The following UBR4 variants were observed in gnomAD, a reference collection of about 807,000 sequenced individuals.
UBR4 encodes ubiquitin protein ligase E3 component n-recognin 4.
UBR4 carries 124 observed loss-of-function variants against 575.6 expected under a neutral mutation model. The observed-to-expected ratio is 0.22, with a 90% CI of 0.19 to 0.25. The LOEUF (loss-of-function observed/expected upper bound fraction) is 0.25, where lower values mean the gene tolerates loss of function less well. Ranked by LOEUF, UBR4 falls within the 10% of genes least tolerant of loss-of-function variation. UBR4 has a pLI of 1.00. For missense variants in UBR4, 4,818 were observed against 6,478.8 expected (o/e 0.74, Z 8.80); for synonymous variants, 2,455 against 2,473.7 (o/e 0.99, Z 0.22).
At position 19,187,190 on chromosome 1, in the gene UBR4, T is replaced by A. The variant is rs2091631619; in HGVS notation, c.1606A>T (p.Thr536Ser). ...DSVPLMNLLL[T>S]LLSTSYRKAC... Reference sequence around the variant, plus strand: ...TTTCTGTAGGAAGTTGAAAGTAACGTCAAGAGCAGGTTCATCAGTGGGACA... The same window carrying A: ...TTTCTGTAGGAAGTTGAAAGTAACGACAAGAGCAGGTTCATCAGTGGGACA... Residue 536 changes from threonine to serine, a missense_variant, in exon 13 of 106, where the codon ACG becomes TCG. Around this residue, in one of 29 missense-constraint regions of UBR4, gnomAD observed 162 missense variants for 216.4 expected, o/e 0.75. Transcript: ENST00000375254. 1 of 1,612,818 alleles carries A rather than the reference T, an allele frequency of 6.2e-7. No individual in the cohort carries two copies. Among genetic ancestry groups the A allele is most frequent in the East Asian group, 2.2e-5 (1 of 44,824 alleles).
chr1:19,093,175 A>G lies in UBR4; in HGVS notation c.14111+138T>C. On this transcript the variant is annotated intron_variant, in intron 96 of 105. Transcript: ENST00000375254. This position sits in a 1 kb window ranked among gnomAD's most constrained non-coding sequence, Gnocchi z 4.8. ...CTGCAGTGGTTGAATGGTCACCCAC[A>G]TAGTTTCCAGAAGCGGTTGGGAGGC... 8.3e-7 allele frequency: 1 copy of G among 1,201,878 alleles called. No individual in the cohort carries two copies. The highest frequency in any genetic ancestry group is 1.2e-6 in the Non-Finnish European group (1 of 848,534). 74.5% of individuals were successfully genotyped at this position (1,201,878 alleles called of 1,614,324 possible).
At chr1:19,171,000 G>A in intron 25 of UBR4, 117 bp from the exon 26 acceptor site, 1 of 1,388,508 alleles carries the variant, frequency 7.2e-7, no homozygotes, top group Non-Finnish European at 9.8e-7. Flanking sequence ...ATTTAATGTA[G>A]TTGATAGTGC....
At chr1:19,123,610 C>T (rs1221718533) in intron 65 of UBR4, among the ~76,000 whole-genome samples, 1 of 152,138 alleles carries the variant, frequency 6.6e-6, no homozygotes, top group Non-Finnish European at 1.5e-5. Flanking sequence ...ATTCATGCAT[C>T]TCTTCCTTGT....
At position 19,172,953 on chromosome 1, in the gene UBR4, A is replaced by G. The variant is rs2089788553; in HGVS notation, c.3432T>C (p.Ala1144=). Reference sequence around the variant, plus strand: ...CAGACGACTTATGAGGATCAGTCTCAGCAGCCATCTTAGAAAAATGCTCAT... The same window carrying G: ...CAGACGACTTATGAGGATCAGTCTCGGCAGCCATCTTAGAAAAATGCTCAT... ...SLDEHFSKMA[A]ETDPHKSSEI... The change falls in exon 25 of 106, where the codon GCT becomes GCC. Residue 1144 remains alanine, a synonymous_variant. Coordinates refer to ENST00000375254, the MANE Select transcript of UBR4 (RefSeq NM_020765.3). The G allele has an allele frequency of 6.2e-7, 1 of 1,614,204 alleles. No individual in the cohort carries two copies.
chr1:19,150,685 G>A lies in UBR4; in HGVS notation c.7322C>T (p.Pro2441Leu). ...GCAGATGTTGCTGACAGAGGCAGAAGGGAATTCTTCTGGGGGCTCATCAGG... is the reference window on the plus strand; with the variant it reads ...GCAGATGTTGCTGACAGAGGCAGAAAGGAATTCTTCTGGGGGCTCATCAGG... Reference protein sequence around the residue: ...GWPDEPPEEFPSASVSNICPS... With the variant: ...GWPDEPPEEFLSASVSNICPS... The change falls in exon 49 of 106, where the codon CCT (proline) becomes CTT (leucine). Residue 2441 changes from proline to leucine, a missense_variant. This residue lies in a region of UBR4 where 340 missense variants were observed against 375.4 expected (regional missense o/e 0.91). Transcript: ENST00000375254. 2.5e-6 allele frequency: 4 copies of A among 1,614,142 alleles called. No homozygotes were observed. Among genetic ancestry groups the A allele is most frequent in the Non-Finnish European group, 3.4e-6 (4 of 1,180,022 alleles).
chr1:19,112,549 G>A lies in UBR4; in HGVS notation c.11776C>T (p.Arg3926Cys), dbSNP rs777729853. Reference protein sequence around the residue: ...RGAAAMREEVRQLMCLLTRDN... With the variant: ...RGAAAMREEVCQLMCLLTRDN... ...CGAGTTAGGAGGCACATGAGCTGGC[G>A]GACCTCCTCCCGCATGGCCGCAGCC... is the stretch of plus-strand genomic sequence containing the variant. The change falls in exon 78 of 106, where the codon CGC becomes TGC. Residue 3926 changes from arginine to cysteine, a missense_variant. Around this residue, in one of 29 missense-constraint regions of UBR4, gnomAD observed 333 missense variants for 459.2 expected, o/e 0.73. Transcript: ENST00000375254. 6.2e-6 allele frequency: 10 copies of A among 1,612,960 alleles called. No homozygotes were observed. The highest frequency in any genetic ancestry group is 3.3e-5 in the South Asian group (3 of 90,888).
At chr1:19,104,316 GT>G (rs2149138738) in intron 86 of UBR4, 59 bp from the exon 87 acceptor site, 1 of 1,583,890 alleles carries the variant, frequency 6.3e-7, no homozygotes, top group South Asian at 1.1e-5. Flanking sequence ...AGGACAGTCT[GT>G]GTCTCAAAAG....
At chr1:19,193,330 A>G (rs2092245688) in intron 9 of UBR4, 103 bp downstream of exon 9, 3 of 1,491,270 alleles carry the variant, frequency 2.0e-6, no homozygotes, top group Non-Finnish European at 1.8e-6. Context: ...AGTAGTGTGG[A>G]GAATACTCTA....
chr1:19,150,598 G>T lies in UBR4; in HGVS notation c.7409C>A (p.Thr2470Asn). ...GTACCTCTCCAGGACAGTTCCACTG[G>T]TCGTAGTGGGGGCAGCTGAGTCGCT... ...GDSDSAAPTT[T>N]SGTVLERLVV... The change falls in exon 49 of 106, where the codon ACC (threonine) becomes AAC (asparagine). Residue 2470 changes from threonine to asparagine, a missense_variant. Physicochemically the swap from Thr to Asn is moderately conservative, Grantham distance 65. This residue lies in a region of UBR4 where 340 missense variants were observed against 375.4 expected (regional missense o/e 0.91). Transcript: ENST00000375254. 1 of 1,613,460 alleles carries T rather than the reference G, an allele frequency of 6.2e-7. No individual in the cohort carries two copies. The highest frequency in any genetic ancestry group is 8.5e-7 in the Non-Finnish European group (1 of 1,180,032).
chr1:19,152,398 C>T lies in UBR4; in HGVS notation c.6911G>A (p.Gly2304Asp). 2 of 1,613,956 alleles carry T rather than the reference C, an allele frequency of 1.2e-6. No homozygotes were observed. Among genetic ancestry groups the T allele is most frequent in the Non-Finnish European group, 1.7e-6 (2 of 1,179,852 alleles). The change falls in exon 47 of 106, where the codon GGT (glycine) becomes GAT (aspartate). Residue 2304 changes from glycine to aspartate, a missense_variant. By Grantham distance (94) the Gly-to-Asp change is moderately conservative. Coordinates refer to ENST00000375254, the MANE Select transcript of UBR4 (RefSeq NM_020765.3). The surrounding 1 kb of genome is among the most constrained non-coding windows in gnomAD (Gnocchi z 4.4). Reference protein sequence around the residue: ...HNQQLTDVEFGGNDLLQVYNA... With the variant: ...HNQQLTDVEFDGNDLLQVYNA... ...ATAGACCTGTAGGAGGTCGTTACCA[C>T]CAAACTCCACATCTGTCAGCTGCTG...
chr1:19,138,296 T>C (rs2083421350), intron 59 of UBR4, 115 bp from the exon 60 acceptor site: 1 of 1,148,610 alleles, frequency 8.7e-7, no homozygotes, highest in African/African-American at 1.6e-5. Flanking sequence ...AGACAATAAC[T>C]GGTAGCATTT....
chr1:19,170,786 T>C lies in UBR4; in HGVS notation c.3619A>G (p.Ser1207Gly). Reference protein sequence around the residue: ...GFAAVLAIGSSRCKANTLGPT... With the variant: ...GFAAVLAIGSGRCKANTLGPT... ...CCCAGAGTATTTGCCTTGCACCTGC[T>C]AGAGCCAATAGCCAAAACAGCAGCA... is the stretch of plus-strand genomic sequence containing the variant. Residue 1207 changes from serine (S) to glycine (G), a missense_variant, in exon 26 of 106, where the codon AGC becomes GGC. Transcript: ENST00000375254. The C allele has an allele frequency of 8.7e-6, 14 of 1,614,222 alleles. No individual in the cohort carries two copies. Among genetic ancestry groups the C allele is most frequent in the Non-Finnish European group, 1.2e-5 (14 of 1,180,034 alleles).
chr1:19,081,045 T>A (rs2076452099), intron 103 of UBR4: 2 of 295,546 alleles, frequency 6.8e-6, no homozygotes, highest in Non-Finnish European at 1.3e-5. Context: ...TGATTACTGT[T>A]CTTAGCCCTG....
chr1:19,121,545 T>G (rs767158913), intron 67 of UBR4, 111 bp from the exon 68 acceptor site: 27 of 1,356,578 alleles, frequency 2.0e-5, no homozygotes, highest in Admixed American at 5.1e-5. Context: ...ACCAGCTTTC[T>G]TTGCCATGTT....
chr1:19,084,810 G>C, intron 101 of UBR4, 112 bp from the exon 102 acceptor site: 2 of 1,034,850 alleles, frequency 1.9e-6, no homozygotes, highest in Non-Finnish European at 2.8e-6. Flanking sequence ...GCAAAGGTTT[G>C]CAAACGGAGA....
At chr1:19,193,722 C>T (rs901835314) in intron 8 of UBR4, among the ~76,000 whole-genome samples, 165 bp from the exon 9 acceptor site, 2 of 152,100 alleles carry the variant, frequency 1.3e-5, no homozygotes, top group African/African-American at 4.8e-5. Context: ...AATTCAGTAA[C>T]CAGACTCCTA....
Position 19,121,442 on chromosome 1 carries a change from C to T in UBR4, c.9896-8G>A. On this transcript the variant is annotated splice_region_variant and splice_polypyrimidine_tract_variant and intron_variant, in intron 67 of 105. Transcript: ENST00000375254. ...GGAGGAAGTACAGGACGGCTGCAAG[C>T]AGAGGAGACAGAGGCTCACCTCTGA... 6.2e-7 allele frequency: 1 copy of T among 1,609,862 alleles called. No homozygotes were observed. The highest frequency in any genetic ancestry group is 8.5e-7 in the Non-Finnish European group (1 of 1,177,154).
chr1:19,117,295 C>G lies in UBR4; in HGVS notation c.10749G>C (p.Arg3583=). The change falls in exon 73 of 106, where the codon CGG becomes CGC. Residue 3583 remains arginine (R), a synonymous_variant. Transcript: ENST00000375254. The surrounding 1 kb of genome is among the most constrained non-coding windows in gnomAD (Gnocchi z 4.0). ...KVTVKIGDLK[R]TKMVRTINLY... is the part of the protein sequence containing the mutation. ...GGTTGATGGTCCGCACCATCTTGGT[C>G]CGTTTCAGATCCCCGATTTTCACTG... 1 of 1,614,164 alleles carries G rather than the reference C, an allele frequency of 6.2e-7. No homozygotes were observed. Among genetic ancestry groups the G allele is most frequent in the Non-Finnish European group, 8.5e-7 (1 of 1,180,024 alleles).
chr1:19,143,149 A>G (rs1382597243), intron 55 of UBR4, among the ~76,000 whole-genome samples: 1 of 150,106 alleles, frequency 6.7e-6, no homozygotes, highest in African/African-American at 2.5e-5. Context: ...GAAAAGAAAG[A>G]AGGAAGGGAA....
Sources: allele counts gnomAD v4.1 joint callset (sites outside exome capture counted in the v4.1 genomes callset), GRCh38; gene constraint gnomAD v4.1.1; regional missense constraint gnomAD v4.1.1; non-coding constraint Gnocchi (gnomAD v3.1); transcripts MANE v1.5; gene names NCBI Gene and HGNC (gene_info 2026-07-23, HGNC 2026-07-21).